The following MDM4 variants were observed in gnomAD, a reference collection of about 807,000 sequenced individuals.
MDM4 encodes the protein protein Mdm4.
Under a neutral mutation model 60.2 loss-of-function variants are expected in MDM4, and 2 were observed. That is an observed-to-expected ratio of 0.03 (90% confidence interval 0.01 to 0.10). The LOEUF is 0.10. Among genes scored for constraint, MDM4 ranks in the 10% least tolerant of loss-of-function variants. The pLI, the probability that MDM4 is intolerant of heterozygous loss-of-function variation, is 1.00. For synonymous variants in MDM4, 202 were observed against 198.1 expected, an observed-to-expected ratio of 1.02 and a Z score of -0.17; for missense variants, 447 against 577.5, an observed-to-expected ratio of 0.77 and a Z score of 2.32.
At chr1:204,528,736 A>G (rs1660517197) in intron 3 of MDM4, 3 of 696,606 alleles carry the variant, frequency 4.3e-6, no homozygotes, top group Admixed American at 2.3e-5. Flanking sequence ...GCAAGGGAGA[A>G]TGTTCTTCTA....
intron 10 of MDM4, among the ~76,000 whole-genome samples, chr1:204,547,103 G>A (rs1486263262): frequency 6.6e-6 from 1 of 152,172 alleles, no homozygotes. Flanking sequence ...TGAAAAGGAT[G>A]AGATAAATGC....
Position 204,543,049 on chromosome 1 carries a change from C to T in MDM4, c.672+105C>T, listed in dbSNP as rs1662286281. 4.0e-6 allele frequency: 4 copies of T among 1,000,146 alleles called. No homozygotes were observed. The South Asian group carries it at 4.9e-5, about 12-fold the overall frequency. The allele number at this position is 1,000,146 out of a possible 1,614,324, so 62.0% of individuals were successfully genotyped here. A position where few individuals can be genotyped will look rare whatever the true frequency, so the allele number is the denominator to read the frequency against. ...TATTCTCTAAGAATTCTTATTTACT[C>T]CTATGGCGTTAAATACCATCTGTAT... On this transcript the variant is annotated intron_variant, in intron 8 of 10. Transcript: ENST00000367182.
intron 7 of MDM4, among the ~76,000 whole-genome samples, chr1:204,538,704 T>TA (rs1178420641): frequency 8.6e-5 from 13 of 151,194 alleles, no homozygotes; most frequent in African/African-American, 3.2e-4. Context: ...CCAATTTTCA[T>TA]ACTTTTTTTT....
Position 204,555,254 on chromosome 1 carries a change from A to T in MDM4, c.*5572A>T. The T allele has an allele frequency of 5.9e-6, 1 of 170,430 alleles. No homozygotes were observed. The highest frequency in any genetic ancestry group is 1.3e-5 in the Non-Finnish European group (1 of 79,332). The allele number at this position is 170,430 out of a possible 1,614,324, so 10.6% of individuals were successfully genotyped here. The stretch of plus-strand genomic sequence containing the variant: ...ACTGCAACCTCCGCCTCCCGGGTTC[A>T]CCCCATTCTCCTGCCTCAGCCTCCC... On this transcript the variant is annotated 3_prime_UTR_variant, in exon 11 of 11. Coordinates refer to ENST00000367182, the MANE Select transcript of MDM4 (RefSeq NM_002393.5).
At chr1:204,529,254 C>A in intron 3 of MDM4, 1 of 730,690 alleles carries the variant, frequency 1.4e-6, no homozygotes, top group South Asian at 1.5e-5. Flanking sequence ...TGAACAAGGA[C>A]CAGTTGCAGT....
chr1:204,534,044 C>T (rs916081230), intron 5 of MDM4, among the ~76,000 whole-genome samples: 19 of 152,128 alleles, frequency 1.2e-4, no homozygotes, highest in African/African-American at 4.3e-4. Flanking sequence ...CTTCAGCCTC[C>T]CGAGGTGTTG....
intron 4 of MDM4, among the ~76,000 whole-genome samples, chr1:204,531,703 G>A (rs1660871946): frequency 6.6e-6 from 1 of 152,094 alleles, no homozygotes; most frequent in South Asian, 2.1e-4. Context: ...GTGGTGGCGG[G>A]CGCCTATAAT....
chr1:204,525,697 C>A (rs1331927489), intron 2 of MDM4, 101 bp downstream of exon 2: 1 of 787,424 alleles, frequency 1.3e-6, no homozygotes. Context: ...TTTGAGAAGT[C>A]AAGGCAGGAA....
chr1:204,529,098 G>A, intron 3 of MDM4: 2 of 1,350,768 alleles, frequency 1.5e-6, no homozygotes, highest in Non-Finnish European at 2.1e-6. Flanking sequence ...GTAGCTAATG[G>A]AGCCTGAGTT....
At chr1:204,537,071 C>T (rs1413954938) in intron 5 of MDM4, 2 of 253,342 alleles carry the variant, frequency 7.9e-6, no homozygotes, top group Admixed American at 5.5e-5. Context: ...GTGAGTTAGG[C>T]GAATTTGGTA....
chr1:204,537,526 G>T (rs767485736), intron 6 of MDM4, 29 bp downstream of exon 6: 2 of 1,513,648 alleles, frequency 1.3e-6, no homozygotes, highest in South Asian at 2.2e-5. Context: ...GACTTCTTTT[G>T]TTGTACAGAG....
chr1:204,530,565 C>G, intron 3 of MDM4, 119 bp from the exon 4 acceptor site: 1 of 1,320,034 alleles, frequency 7.6e-7, no homozygotes, highest in Non-Finnish European at 1.1e-6. Context: ...CAAACTTTGA[C>G]AGTCTTGTAA....
intron 9 of MDM4, among the ~76,000 whole-genome samples, chr1:204,546,093 G>A (rs1003642115): frequency 1.3e-5 from 2 of 152,100 alleles, no homozygotes; most frequent in Non-Finnish European, 2.9e-5. Flanking sequence ...ACTTTTGAAA[G>A]TGAAAAGTAA....
chr1:204,539,739 G>A (rs1018062453), intron 7 of MDM4, among the ~76,000 whole-genome samples: 3 of 151,688 alleles, frequency 2.0e-5, no homozygotes, highest in Non-Finnish European at 4.4e-5. Flanking sequence ...GTTTTACCAT[G>A]TTGACCAGGA....
chr1:204,523,340 G>A (rs560188229), intron 1 of MDM4, among the ~76,000 whole-genome samples: 8 of 149,466 alleles, frequency 5.4e-5, no homozygotes, highest in South Asian at 2.1e-4. Context: ...GGTGGTGGGC[G>A]CCTGTAGTCC....
intron 1 of MDM4, 66 bp from the exon 2 acceptor site, chr1:204,525,416 TTG>T: frequency 6.7e-7 from 1 of 1,482,800 alleles, no homozygotes; most frequent in East Asian, 2.4e-5. Context: ...CTGGTTGCCT[TTG>T]TGTGAATGCT....
Position 204,538,393 on chromosome 1 carries a change from G to A in MDM4, c.511+85G>A, listed in dbSNP as rs1661638386. 5.4e-5 allele frequency: 40 copies of A among 741,510 alleles called. 1 individual carries two copies. In the South Asian group the frequency reaches 6.2e-4, roughly 12 times the overall value. 45.9% of individuals were successfully genotyped at this position (741,510 alleles called of 1,614,324 possible). A position where few individuals can be genotyped will look rare whatever the true frequency, so the allele number is the denominator to read the frequency against. On this transcript the variant is annotated intron_variant, in intron 7 of 10. Coordinates refer to ENST00000367182, the MANE Select transcript of MDM4 (RefSeq NM_002393.5). ...TTTTAATCTCTCCGTATGTGAAGTA[G>A]GAGAGGGATATGTCACAATTTCTCA...
rs375432530 is a variant in MDM4 at position 204,537,479 on chromosome 1, A to G, written c.393A>G (p.Pro131=). 109 of 1,613,418 alleles carry G rather than the reference A, an allele frequency of 6.8e-5. No homozygotes were observed. Among genetic ancestry groups the G allele is most frequent in the Non-Finnish European group, 9.2e-5 (108 of 1,179,462 alleles). Residue 131 remains proline (P), a synonymous_variant, in exon 6 of 11, where the codon CCA becomes CCG. Coordinates refer to ENST00000367182, the MANE Select transcript of MDM4 (RefSeq NM_002393.5). ...ALAQDHSMDI[P]SQDQLKQSAE... ...CACAGGATCACAGTATGGATATTCCAAGTCAAGACCAACTGAAGGTAAAAT... is the reference window on the plus strand; with the variant it reads ...CACAGGATCACAGTATGGATATTCCGAGTCAAGACCAACTGAAGGTAAAAT...
rs71147703 is a variant in MDM4 at position 204,552,872 on chromosome 1, C to CTTTTTTTTTT, written c.*3197_*3206dup. Reference sequence around the variant, plus strand: ...AACTTTAAACTATTTCTTTTCTTTTCTTTTTTTTTTTTTTTTACTTGAGAT... The same window carrying CTTTTTTTTTT: ...AACTTTAAACTATTTCTTTTCTTTTCTTTTTTTTTTTTTTTTTTTTTTTTTTACTTGAGAT... On this transcript the variant is annotated 3_prime_UTR_variant, in exon 11 of 11. Coordinates refer to ENST00000367182, the MANE Select transcript of MDM4 (RefSeq NM_002393.5). 3.0e-5 allele frequency: 4 copies of CTTTTTTTTTT among 133,572 alleles called. No individual in the cohort carries two copies. Among genetic ancestry groups the CTTTTTTTTTT allele is most frequent in the Non-Finnish European group, 4.8e-5 (3 of 62,478 alleles). The allele number at this position is 133,572 out of a possible 1,614,324, so 8.3% of individuals were successfully genotyped here.
Sources: allele counts gnomAD v4.1 joint callset (sites outside exome capture counted in the v4.1 genomes callset), GRCh38; gene constraint gnomAD v4.1.1; transcripts MANE v1.5; gene names NCBI Gene and HGNC (gene_info 2026-07-23, HGNC 2026-07-21).